Variants in CEP162 observed in about 807,000 individuals in gnomAD.
CEP162 encodes the protein centrosomal protein of 162 kDa.
A neutral mutation model predicts 169.2 loss-of-function variants in CEP162; 141 were observed. That is an observed-to-expected ratio of 0.83 (90% confidence interval 0.73 to 0.96). CEP162 has a LOEUF of 0.96. Ranked by LOEUF, CEP162 falls within the 40% of genes least tolerant of loss-of-function variation. The pLI, the probability that CEP162 is intolerant of heterozygous loss-of-function variation, is 0.00. For missense variants in CEP162, 1,600 were observed against 1,587.2 expected, an observed-to-expected ratio of 1.01 and a Z score of -0.14; for synonymous variants, 540 against 526.4, an observed-to-expected ratio of 1.03 and a Z score of -0.35.
intron 9 of CEP162, among the ~76,000 whole-genome samples, chr6:84,195,303 G>A (rs577441994): frequency 1.7e-3 from 266 of 152,252 alleles, no homozygotes; most frequent in Middle Eastern, 6.8e-3. Flanking sequence ...GCTTTCACTC[G>A]TCATTGTTCT....
chr6:84,154,315 T>A (rs1265611800), intron 22 of CEP162, among the ~76,000 whole-genome samples: 1 of 136,998 alleles, frequency 7.3e-6, no homozygotes, highest in Non-Finnish European at 1.5e-5. Flanking sequence ...ATCAGGGATA[T>A]CTATCTATCT....
chr6:84,177,344 T>C (rs1444313114), intron 13 of CEP162, among the ~76,000 whole-genome samples: 1 of 152,174 alleles, frequency 6.6e-6, no homozygotes, highest in Non-Finnish European at 1.5e-5. Context: ...GGAAAAACTT[T>C]CTGGGTTTGG....
intron 25 of CEP162, among the ~76,000 whole-genome samples, chr6:84,143,510 T>C (rs964670318): frequency 6.6e-6 from 1 of 151,906 alleles, no homozygotes; most frequent in Non-Finnish European, 1.5e-5. Context: ...TGAAGATGTG[T>C]TTTCGTTAAG....
chr6:84,147,059 C>T (rs948833672), intron 24 of CEP162, among the ~76,000 whole-genome samples: 5 of 152,252 alleles, frequency 3.3e-5, no homozygotes, highest in Admixed American at 6.5e-5. Context: ...TTTATTGCAG[C>T]ACTATTCACA....
intron 2 of CEP162, among the ~76,000 whole-genome samples, chr6:84,222,945 T>C (rs2099554278): frequency 6.6e-6 from 1 of 152,270 alleles, no homozygotes; most frequent in African/African-American, 2.4e-5. Context: ...TCTGAATTTC[T>C]GAAATTAGTT....
At chr6:84,146,092 T>C (rs533132994) in intron 25 of CEP162, among the ~76,000 whole-genome samples, 43 of 152,182 alleles carry the variant, frequency 2.8e-4, no homozygotes, top group African/African-American at 9.9e-4. Flanking sequence ...CTTAAATTTG[T>C]TCAGCTGCAC....
At chr6:84,139,226 G>T (rs545043644) in intron 25 of CEP162, among the ~76,000 whole-genome samples, 65 of 152,304 alleles carry the variant, frequency 4.3e-4, no homozygotes, top group African/African-American at 1.5e-3. Context: ...AGAGGAATCT[G>T]CAGTACTCCA....
chr6:84,221,926 A>G (rs2099553873), intron 2 of CEP162, among the ~76,000 whole-genome samples: 1 of 150,858 alleles, frequency 6.6e-6, no homozygotes, highest in Non-Finnish European at 1.5e-5. Context: ...CTGTATCTTC[A>G]CTCCCTTCTC....
chr6:84,193,103 T>C (rs1216353518), intron 11 of CEP162, among the ~76,000 whole-genome samples: 1 of 152,250 alleles, frequency 6.6e-6, no homozygotes, highest in Non-Finnish European at 1.5e-5. Context: ...ACAAGGTTAC[T>C]GTGACATGTT....
intron 18 of CEP162, among the ~76,000 whole-genome samples, chr6:84,167,162 AT>A (rs2099528149): frequency 1.3e-5 from 2 of 152,172 alleles, no homozygotes; most frequent in Non-Finnish European, 2.9e-5. Flanking sequence ...CTATTAAAAC[AT>A]TTAAATGTGC....
intron 6 of CEP162, among the ~76,000 whole-genome samples, chr6:84,212,482 A>G (rs1463204672): frequency 6.6e-6 from 1 of 152,102 alleles, no homozygotes; most frequent in Non-Finnish European, 1.5e-5. Flanking sequence ...GTAGATTGTG[A>G]TAAGGTAGAC....
At chr6:84,188,480 G>C (rs777297703) in intron 11 of CEP162, among the ~76,000 whole-genome samples, 8 of 152,156 alleles carry the variant, frequency 5.3e-5, no homozygotes, top group Non-Finnish European at 1.0e-4. Flanking sequence ...AGAACATACA[G>C]TATTTTGTTT....
intron 25 of CEP162, among the ~76,000 whole-genome samples, chr6:84,129,177 A>G (rs1245352501): frequency 6.6e-6 from 1 of 152,126 alleles, no homozygotes; most frequent in African/African-American, 2.4e-5. Flanking sequence ...TTAATAGTAG[A>G]ATGATTTATA....
chr6:84,191,704 G>A (rs564050056), intron 11 of CEP162, among the ~76,000 whole-genome samples: 1 of 152,278 alleles, frequency 6.6e-6, no homozygotes, highest in South Asian at 2.1e-4. Flanking sequence ...AGCCCTGAAT[G>A]GGACTTGGGG....
At chr6:84,168,591 G>C (rs1303990121) in intron 18 of CEP162, among the ~76,000 whole-genome samples, 1 of 152,166 alleles carries the variant, frequency 6.6e-6, no homozygotes, top group African/African-American at 2.4e-5. Flanking sequence ...TTGGAAATGT[G>C]GCAGAGTGGT....
At chr6:84,141,383 G>T (rs1480691104) in intron 25 of CEP162, among the ~76,000 whole-genome samples, 3 of 152,172 alleles carry the variant, frequency 2.0e-5, no homozygotes, top group Admixed American at 6.5e-5. Context: ...ACAAAAGTCA[G>T]ACTAGACTTA....
chr6:84,139,082 T>A (rs1488011423), intron 25 of CEP162, among the ~76,000 whole-genome samples: 1 of 152,218 alleles, frequency 6.6e-6, no homozygotes, highest in Non-Finnish European at 1.5e-5. Context: ...TTTCACACTT[T>A]TTAGAATGAA....
intron 6 of CEP162, among the ~76,000 whole-genome samples, chr6:84,205,399 G>A (rs533502344): frequency 2.0e-5 from 3 of 152,344 alleles, no homozygotes; most frequent in African/African-American, 7.2e-5. Context: ...TCCCTGGGAT[G>A]CAAGGATGGT....
chr6:84,164,843 C>G (rs1172788859), intron 18 of CEP162, among the ~76,000 whole-genome samples: 1 of 152,010 alleles, frequency 6.6e-6, no homozygotes, highest in Non-Finnish European at 1.5e-5. Flanking sequence ...GTACATGTAT[C>G]CCAGAACTTA....
Sources: allele counts gnomAD v4.1 joint callset (sites outside exome capture counted in the v4.1 genomes callset), GRCh38; gene constraint gnomAD v4.1.1; transcripts MANE v1.5; gene names NCBI Gene and HGNC (gene_info 2026-07-23, HGNC 2026-07-21).